HYAL1: variants seen among roughly 807,000 people sequenced by gnomAD.
HYAL1 encodes the protein hyaluronidase 1.
Under a neutral mutation model 28.8 loss-of-function variants are expected in HYAL1, and 21 were observed. The ratio of observed to expected loss-of-function variants is 0.73; its 90% confidence interval spans 0.52 to 1.05. The LOEUF is 1.05. Among genes scored for constraint, HYAL1 ranks in the 50% least tolerant of loss-of-function variants. HYAL1 has a pLI of 0.00. For synonymous variants in HYAL1, 200 were observed against 230.1 expected (o/e 0.87, Z 1.18); for missense variants, 491 against 579.2 (o/e 0.85, Z 1.56).
At chr3:50,306,752 G>A (rs892880130), upstream of HYAL1, among the ~76,000 whole-genome samples, 1 of 150,834 alleles carries the variant, frequency 6.6e-6, no homozygotes, top group Non-Finnish European at 1.5e-5. Context: ...CCGGCATGGT[G>A]GTGGGTGCCT....
chr3:50,308,562 C>G (rs187164415), upstream of HYAL1, among the ~76,000 whole-genome samples: 874 of 150,894 alleles, frequency 5.8e-3, 33 homozygotes, highest in African/African-American at 0.02. Flanking sequence ...ATTCTCCTGC[C>G]TCAGCCTCCT....
Position 50,302,127 on chromosome 3 carries a change from C to G in HYAL1, c.830G>C (p.Gly277Ala), listed in dbSNP as rs781873681. ...AEAFRVAVAA[G>A]DPNLPVLPYV... ...GGGCAGCACCGGCAGATTGGGGTCACCAGCAGCCACAGCCACACGGAATGC... is the reference window on the plus strand; with the variant it reads ...GGGCAGCACCGGCAGATTGGGGTCAGCAGCAGCCACAGCCACACGGAATGC... Residue 277 changes from glycine (G) to alanine (A), a missense_variant, in exon 2 of 4, where the codon GGT becomes GCT. Physicochemically the swap from Gly to Ala is moderately conservative, Grantham distance 60 (BLOSUM62 0). Coordinates refer to ENST00000395144, the MANE Select transcript of HYAL1 (RefSeq NM_033159.4). This position sits in a 1 kb window ranked among gnomAD's most constrained non-coding sequence, Gnocchi z 5.0. 1 of 1,614,140 alleles carries G rather than the reference C, an allele frequency of 6.2e-7. No individual in the cohort carries two copies. Among genetic ancestry groups the G allele is most frequent in the Non-Finnish European group, 8.5e-7 (1 of 1,180,022 alleles).
At chr3:50,311,223 C>T (rs1286665493) in intron 1 of HYAL1, among the ~76,000 whole-genome samples, 6 of 127,930 alleles carry the variant, frequency 4.7e-5, no homozygotes, top group African/African-American at 8.5e-5. Context: ...GCTGGCCGGG[C>T]GGGGGGCTGA....
In HYAL1 at chr3:50,300,760, A is replaced by T. The variant is rs1702104304; in HGVS notation, c.1031T>A (p.Leu344Gln). Residue 344 changes from leucine (L) to glutamine (Q), a missense_variant, in exon 4 of 4, where the codon CTG becomes CAG. By Grantham distance (113) the Leu-to-Gln change is moderately radical. Coordinates refer to ENST00000395144, the MANE Select transcript of HYAL1 (RefSeq NM_033159.4). ...GGTCACGTTCAGGATGAAGGGCCCC[A>T]GTGTAGTGTCCATATACTCCTTGAT... Reference protein sequence around the residue: ...QAIKEYMDTTLGPFILNVTSG... With the variant: ...QAIKEYMDTTQGPFILNVTSG... 6.2e-7 allele frequency: 1 copy of T among 1,613,946 alleles called. No individual in the cohort carries two copies. Among genetic ancestry groups the T allele is most frequent in the Non-Finnish European group, 8.5e-7 (1 of 1,180,004 alleles).
At chr3:50,307,082 A>G (rs1211974149), upstream of HYAL1, among the ~76,000 whole-genome samples, 1 of 149,564 alleles carries the variant, frequency 6.7e-6, no homozygotes, top group Non-Finnish European at 1.5e-5. Flanking sequence ...AAAAAAAAAA[A>G]TAAGCCGGGT....
rs1221211075 is a variant in HYAL1 at position 50,302,730 on chromosome 3, C to A, written c.227G>T (p.Ser76Ile). The change falls in exon 2 of 4, where the codon AGC becomes ATC. Residue 76 changes from serine to isoleucine, a missense_variant. By Grantham distance (142) the Ser-to-Ile change is moderately radical. Transcript: ENST00000395144. The surrounding 1 kb of genome is among the most constrained non-coding windows in gnomAD (Gnocchi z 5.0). ...GTAGGGGTAGGTGCCCAGCTGGGAGCTATAGAAAATTGTCATGTCAGGGCC... is the reference window on the plus strand; with the variant it reads ...GTAGGGGTAGGTGCCCAGCTGGGAGATATAGAAAATTGTCATGTCAGGGCC... The part of the protein sequence containing the change: ...FRGPDMTIFY[S>I]SQLGTYPYYT... 2 of 1,613,990 alleles carry A rather than the reference C, an allele frequency of 1.2e-6. No individual in the cohort carries two copies. Among genetic ancestry groups the A allele is most frequent in the Non-Finnish European group, 8.5e-7 (1 of 1,180,030 alleles).
At position 50,302,146 on chromosome 3, in the gene HYAL1, G is replaced by A. The variant is rs782752459; in HGVS notation, c.811C>T (p.Arg271Cys). ...YVQHRVAEAF[R>C]VAVAAGDPNL... The stretch of plus-strand genomic sequence containing the variant: ...GGGTCACCAGCAGCCACAGCCACAC[G>A]GAATGCCTCGGCCACACGGTGTTGC... The change falls in exon 2 of 4, where the codon CGT (arginine) becomes TGT (cysteine). Residue 271 changes from arginine (R) to cysteine (C), a missense_variant. Physicochemically the swap from Arg to Cys is radical, Grantham distance 180. Transcript: ENST00000395144. This position sits in a 1 kb window ranked among gnomAD's most constrained non-coding sequence, Gnocchi z 5.0. 9.3e-6 allele frequency: 15 copies of A among 1,614,038 alleles called. No homozygotes were observed. The African/African-American group carries it at 1.1e-4, about 11-fold the overall frequency.
intron 1 of HYAL1, among the ~76,000 whole-genome samples, chr3:50,311,527 A>G (rs1420464678): frequency 1.7e-5 from 2 of 120,300 alleles, no homozygotes; most frequent in Non-Finnish European, 3.4e-5. Flanking sequence ...GGCCGGGCAG[A>G]GGCGCCCCTC....
upstream of HYAL1, among the ~76,000 whole-genome samples, chr3:50,306,059 T>A (rs1553713965): frequency 6.6e-6 from 1 of 151,310 alleles, no homozygotes; most frequent in African/African-American, 2.5e-5. Context: ...GGAGATGTCC[T>A]TGACTTTTGA....
intron 3 of HYAL1, 69 bp downstream of exon 3, chr3:50,300,919 G>T (rs1343022164): frequency 2.0e-6 from 3 of 1,503,562 alleles, no homozygotes; most frequent in Non-Finnish European, 2.7e-6. Flanking sequence ...GGTAAGTCAG[G>T]GTCTACCCCG....
intron 1 of HYAL1, among the ~76,000 whole-genome samples, chr3:50,312,046 G>A (rs1165488354): frequency 7.1e-5 from 10 of 140,936 alleles, no homozygotes; most frequent in African/African-American, 2.3e-4. Flanking sequence ...CCTCCCGGAC[G>A]GGGCGGCTGG....
chr3:50,301,654 A>T (rs1553712928), intron 2 of HYAL1, among the ~76,000 whole-genome samples: 1 of 142,894 alleles, frequency 7.0e-6, no homozygotes. Flanking sequence ...AATGGATGAA[A>T]ATGTCCCAAG....
chr3:50,300,855 C>T (rs1702113726), intron 3 of HYAL1, 55 bp from the exon 4 acceptor site: 1 of 1,579,760 alleles, frequency 6.3e-7, no homozygotes, highest in African/African-American at 1.3e-5. Context: ...ATGGACCCAC[C>T]CAGGGCACTG....
chr3:50,307,818 C>T (rs587656417), upstream of HYAL1, among the ~76,000 whole-genome samples: 44 of 136,346 alleles, frequency 3.2e-4, no homozygotes, highest in Non-Finnish European at 5.5e-4. Flanking sequence ...TTTTTTGAGA[C>T]GGAGTCTCGC....
chr3:50,300,893 CT>C, intron 3 of HYAL1, 93 bp from the exon 4 acceptor site: 2 of 1,533,038 alleles, frequency 1.3e-6, no homozygotes, highest in African/African-American at 1.4e-5. Context: ...TCAGCCAGGA[CT>C]TTGCAGGTAG....
At chr3:50,300,939 T>TGGGGGGGGG (rs1702120315) in intron 3 of HYAL1, 49 bp downstream of exon 3, 30 of 959,350 alleles carry the variant, frequency 3.1e-5, no homozygotes, top group Non-Finnish European at 4.8e-5. Context: ...GTCAGCTTAA[T>TGGGGGGGGG]GGCCCCACCC....
chr3:50,303,446 G>T lies in HYAL1; in HGVS notation c.-25+20C>A, dbSNP rs1241788590. 1 of 154,524 alleles carries T rather than the reference G, an allele frequency of 6.5e-6. No individual in the cohort carries two copies. Among genetic ancestry groups the T allele is most frequent in the Non-Finnish European group, 1.4e-5 (1 of 69,802 alleles). The allele number at this position is 154,524 out of a possible 1,614,324, so 9.6% of individuals were successfully genotyped here. A position where few individuals can be genotyped will look rare whatever the true frequency, so the allele number is the denominator to read the frequency against. On this transcript the variant is annotated intron_variant, in intron 1 of 3. Coordinates refer to ENST00000395144, the MANE Select transcript of HYAL1 (RefSeq NM_033159.4). ...AGCCCTCCTGTACACCCGCCAGTCT[G>T]CCCGCTCGTCCCTGCTGACCTTGGG...
At chr3:50,311,451 C>A (rs1702451312) in intron 1 of HYAL1, among the ~76,000 whole-genome samples, 1 of 137,698 alleles carries the variant, frequency 7.3e-6, no homozygotes. Context: ...GGCTGACCCC[C>A]CCCCACCTCC....
intron 1 of HYAL1, among the ~76,000 whole-genome samples, chr3:50,311,784 T>C (rs1344269129): frequency 8.2e-6 from 1 of 121,352 alleles, no homozygotes; most frequent in African/African-American, 3.2e-5. Context: ...CACTTCCCAG[T>C]AGGGGTGGCC....
Sources: gnomAD v4.1 joint callset for allele counts (sites outside exome capture counted in the v4.1 genomes callset) on GRCh38, gnomAD v4.1.1 for gene constraint, Gnocchi (gnomAD v3.1) non-coding constraint, MANE v1.5 for transcripts, NCBI Gene and HGNC (gene_info 2026-07-23, HGNC 2026-07-21) for gene names.